NAALADL2: variants seen among roughly 807,000 people sequenced by gnomAD.
NAALADL2 encodes the protein inactive N-acetylated-alpha-linked acidic dipeptidase-like protein 2.
A neutral mutation model predicts 87.2 loss-of-function variants in NAALADL2; 76 were observed. The ratio of observed to expected loss-of-function variants is 0.87; its 90% confidence interval spans 0.72 to 1.05. The LOEUF is 1.05. NAALADL2 is among the 50% of genes least tolerant of loss of function. The pLI, the probability that NAALADL2 is intolerant of heterozygous loss-of-function variation, is 0.00. For synonymous variants in NAALADL2, 354 were observed against 331.0 expected (o/e 1.07, Z -0.75); for missense variants, 1,089 against 945.8 (o/e 1.15, Z -1.99).
intron 3 of NAALADL2, among the ~76,000 whole-genome samples, chr3:174,772,760 C>T (rs1194283423): frequency 6.6e-6 from 1 of 152,112 alleles, no homozygotes. Flanking sequence ...AAGGTGGAAA[C>T]ACAAGAGAGG....
Position 175,340,066 on chromosome 3 carries a change from A to C in NAALADL2, c.1090+15741A>C, listed in dbSNP as rs564229197. 2.6e-3 allele frequency among the ~76,000 whole-genome samples: 393 copies of C among 152,268 alleles called. 1 individual carries two copies. Among genetic ancestry groups the C allele is most frequent in the Non-Finnish European group, 4.2e-3 (289 of 68,024 alleles). ...ATTCACTGTTACTACTAACTCTCTAATCAGTTTATTTTCTCTTCCCTGAGC... is the reference window on the plus strand; with the variant it reads ...ATTCACTGTTACTACTAACTCTCTACTCAGTTTATTTTCTCTTCCCTGAGC... On this transcript the variant is annotated intron_variant, in intron 5 of 13. Coordinates refer to ENST00000454872, the MANE Select transcript of NAALADL2 (RefSeq NM_207015.3).
chr3:175,305,525 C>T (rs978680659), intron 4 of NAALADL2, among the ~76,000 whole-genome samples: 1 of 150,792 alleles, frequency 6.6e-6, no homozygotes, highest in Non-Finnish European at 1.5e-5. Flanking sequence ...TTTTCTTTTT[C>T]TTTTTTTTTG....
intron 5 of NAALADL2, among the ~76,000 whole-genome samples, chr3:175,330,625 A>C (rs1761284974): frequency 6.6e-6 from 1 of 152,134 alleles, no homozygotes; most frequent in Non-Finnish European, 1.5e-5. Flanking sequence ...TTGAAACACA[A>C]CATACCAAAA....
At chr3:174,641,320 C>A (rs1195942067) in intron 2 of NAALADL2, among the ~76,000 whole-genome samples, 1 of 152,180 alleles carries the variant, frequency 6.6e-6, no homozygotes, top group Non-Finnish European at 1.5e-5. Flanking sequence ...TTCAGCAGCT[C>A]CTGGACTCCT....
At chr3:175,074,888 G>A (rs929897123) in intron 1 of NAALADL2, among the ~76,000 whole-genome samples, 2 of 151,830 alleles carry the variant, frequency 1.3e-5, no homozygotes, top group East Asian at 1.9e-4. Context: ...AGAAAAAGGA[G>A]GAGTAAGGAG....
intron 3 of NAALADL2, among the ~76,000 whole-genome samples, chr3:174,837,172 C>CA (rs1016689039): frequency 2.2e-4 from 33 of 150,602 alleles, no homozygotes; most frequent in South Asian, 1.0e-3. Context: ...GAAATTGAAA[C>CA]AAAAAAAATA....
intron 2 of NAALADL2, among the ~76,000 whole-genome samples, chr3:174,561,295 G>GT (rs1195979830): frequency 1.3e-5 from 2 of 150,814 alleles, no homozygotes; most frequent in African/African-American, 2.4e-5. Context: ...TGACGCCCTG[G>GT]TTCAAGCTAT....
intron 1 of NAALADL2, among the ~76,000 whole-genome samples, chr3:175,062,404 T>C (rs1713678239): frequency 6.6e-6 from 1 of 151,950 alleles, no homozygotes; most frequent in African/African-American, 2.4e-5. Flanking sequence ...CTTGGGCTTG[T>C]GACACCACTT....
intron 2 of NAALADL2, among the ~76,000 whole-genome samples, chr3:174,660,787 C>T (rs899118002): frequency 6.6e-5 from 10 of 152,010 alleles, no homozygotes; most frequent in Admixed American, 3.9e-4. Context: ...TGTGAAAGTA[C>T]CTTCATTTTT....
intron 3 of NAALADL2, among the ~76,000 whole-genome samples, chr3:174,758,509 A>G (rs1381076703): frequency 6.6e-6 from 1 of 152,230 alleles, no homozygotes; most frequent in Non-Finnish European, 1.5e-5. Context: ...GAGTAGGTTA[A>G]GTACATGCAG....
rs115833556 is a variant in NAALADL2 at position 174,886,216 on chromosome 3, C to T, written c.43+26766C>T. Among the ~76,000 whole-genome samples the T allele has an allele frequency of 3.6e-3, 544 of 152,054 alleles. 5 individuals are homozygous for T. Among genetic ancestry groups the T allele is most frequent in the African/African-American group, 0.013 (528 of 41,498 alleles). ...GCATGAGCCACTATGCCCCGCCTGT[C>T]GGAGTTCTAAAACTGAAGAACTTGG... On this transcript the variant is annotated intron_variant, in intron 1 of 13. Coordinates refer to ENST00000454872, the MANE Select transcript of NAALADL2 (RefSeq NM_207015.3).
At chr3:175,311,225 A>ATT (rs58374410) in intron 4 of NAALADL2, among the ~76,000 whole-genome samples, 5,651 of 144,404 alleles carry the variant, frequency 0.039, 214 homozygotes, top group African/African-American at 0.096. Context: ...TAGAACATGG[A>ATT]TTTTTTTTTT....
intron 4 of NAALADL2, among the ~76,000 whole-genome samples, chr3:175,317,535 C>T (rs1029244752): frequency 5.3e-5 from 8 of 151,986 alleles, no homozygotes; most frequent in Non-Finnish European, 1.0e-4. Context: ...GTAAACTGAA[C>T]TTCCTTAGAT....
At chr3:174,511,577 A>G (rs1334860534) in intron 1 of NAALADL2, among the ~76,000 whole-genome samples, 5 of 151,690 alleles carry the variant, frequency 3.3e-5, no homozygotes, top group African/African-American at 1.2e-4. Flanking sequence ...GTTAGATGGT[A>G]AATAGTTTTT....
intron 13 of NAALADL2, among the ~76,000 whole-genome samples, chr3:175,791,528 A>C (rs1247292433): frequency 6.6e-6 from 1 of 152,198 alleles, no homozygotes; most frequent in Non-Finnish European, 1.5e-5. Flanking sequence ...GTTGTGGACA[A>C]ACTCTGTCAG....
intron 3 of NAALADL2, among the ~76,000 whole-genome samples, chr3:174,762,253 A>G (rs1367995262): frequency 6.8e-6 from 1 of 147,450 alleles, no homozygotes; most frequent in Non-Finnish European, 1.5e-5. Context: ...TCCCAGGTTC[A>G]CGCCATTCTC....
chr3:174,775,497 A>T (rs1205037540), intron 3 of NAALADL2, among the ~76,000 whole-genome samples: 2 of 152,184 alleles, frequency 1.3e-5, no homozygotes, highest in Non-Finnish European at 2.9e-5. Flanking sequence ...ACTGCTGAAA[A>T]ATATTACAAA....
At chr3:175,178,707 A>G (rs141106755) in intron 2 of NAALADL2, among the ~76,000 whole-genome samples, 20 of 152,158 alleles carry the variant, frequency 1.3e-4, no homozygotes, top group African/African-American at 4.6e-4. Flanking sequence ...AAGCCCGAGA[A>G]TCTGCATTTC....
intron 13 of NAALADL2, among the ~76,000 whole-genome samples, chr3:175,799,687 T>C (rs1442542798): frequency 6.6e-6 from 1 of 152,194 alleles, no homozygotes; most frequent in East Asian, 1.9e-4. Flanking sequence ...GAAATAAAAC[T>C]AATATTTAGG....
Sources: allele counts gnomAD v4.1 joint callset (sites outside exome capture counted in the v4.1 genomes callset), GRCh38; gene constraint gnomAD v4.1.1; transcripts MANE v1.5; gene names NCBI Gene and HGNC (gene_info 2026-07-23, HGNC 2026-07-21).